The following PHAF1 variants were observed in gnomAD, a reference collection of about 807,000 sequenced individuals.
The protein encoded by PHAF1 is phagosome assembly factor 1.
Under a neutral mutation model 63.1 loss-of-function variants are expected in PHAF1, and 23 were observed. The observed-to-expected ratio is 0.36, with a 90% confidence interval of 0.26 to 0.52. The LOEUF (loss-of-function observed/expected upper bound fraction) is 0.52, where lower values mean the gene tolerates loss of function less well. Ranked by LOEUF, PHAF1 falls within the 20% of genes least tolerant of loss-of-function variation. PHAF1 has a pLI of 0.93. For missense variants in PHAF1, 427 were observed against 517.2 expected, an observed-to-expected ratio of 0.83 and a Z score of 1.69; for synonymous variants, 167 against 185.0, an observed-to-expected ratio of 0.90 and a Z score of 0.79.
At chr16:67,146,889 G>C (rs2030138726) in intron 15 of PHAF1, among the ~76,000 whole-genome samples, 156 bp from the exon 16 acceptor site, 1 of 152,178 alleles carries the variant, frequency 6.6e-6, no homozygotes, top group East Asian at 1.9e-4. Context: ...ATCTCAGGCA[G>C]AGGGGGGCCT....
At chr16:67,141,993 G>C (rs762444698) in intron 10 of PHAF1, among the ~76,000 whole-genome samples, 4 of 152,346 alleles carry the variant, frequency 2.6e-5, no homozygotes, top group Admixed American at 6.5e-5. Context: ...TTGTCCTGCG[G>C]CCAGGAAGAA....
chr16:67,145,003 G>A (rs2029916378), intron 12 of PHAF1, 126 bp downstream of exon 12: 1 of 1,218,492 alleles, frequency 8.2e-7, no homozygotes, highest in South Asian at 1.3e-5. Flanking sequence ...AGTTCCTCTG[G>A]GGTGGGCTCA....
intron 1 of PHAF1, among the ~76,000 whole-genome samples, chr16:67,117,314 G>T (rs1962779818): frequency 6.7e-6 from 1 of 148,528 alleles, no homozygotes; most frequent in Admixed American, 6.8e-5. Context: ...CTCCCAAAGT[G>T]CTGGGATTAC....
chr16:67,110,310 T>C, intron 1 of PHAF1, 71 bp downstream of exon 1: 1 of 1,496,294 alleles, frequency 6.7e-7, no homozygotes, highest in Non-Finnish European at 9.1e-7. Context: ...TCCCACCTGT[T>C]CTCAGTCTCT....
At chr16:67,130,971 G>A (rs1963369823) in intron 3 of PHAF1, among the ~76,000 whole-genome samples, 1 of 152,132 alleles carries the variant, frequency 6.6e-6, no homozygotes, top group Non-Finnish European at 1.5e-5. Context: ...AAATAACAAA[G>A]GACTGTCATG....
chr16:67,127,080 G>A (rs976325281), intron 3 of PHAF1, among the ~76,000 whole-genome samples: 1 of 151,832 alleles, frequency 6.6e-6, no homozygotes, highest in Non-Finnish European at 1.5e-5. Context: ...ATGTTGGCCA[G>A]GCTGGTCTTG....
chr16:67,138,576 T>G (rs1963690709), intron 8 of PHAF1, among the ~76,000 whole-genome samples: 1 of 152,038 alleles, frequency 6.6e-6, no homozygotes, highest in African/African-American at 2.4e-5. Flanking sequence ...AATGGGGAAA[T>G]TTTTACTGTT....
At chr16:67,146,709 T>G (rs529340255) in intron 15 of PHAF1, among the ~76,000 whole-genome samples, 2 of 152,176 alleles carry the variant, frequency 1.3e-5, no homozygotes, top group East Asian at 1.9e-4. Flanking sequence ...TGTGAACAAA[T>G]GCATTGTAGG....
At chr16:67,130,108 G>A (rs1036493327) in intron 3 of PHAF1, among the ~76,000 whole-genome samples, 4 of 152,010 alleles carry the variant, frequency 2.6e-5, no homozygotes, top group Admixed American at 6.6e-5. Context: ...GTGCAGTGGC[G>A]CAATCTCCGC....
chr16:67,110,903 G>T (rs991555846), intron 1 of PHAF1, among the ~76,000 whole-genome samples: 23 of 152,092 alleles, frequency 1.5e-4, no homozygotes, highest in Non-Finnish European at 3.2e-4. Flanking sequence ...TTAACGCCTC[G>T]TGGGTTTAAG....
At chr16:67,121,276 G>A (rs1248318827) in intron 2 of PHAF1, among the ~76,000 whole-genome samples, 1 of 150,294 alleles carries the variant, frequency 6.7e-6, no homozygotes, top group Non-Finnish European at 1.5e-5. Context: ...TGCAGGCTCC[G>A]CCTCCTGGGT....
intron 2 of PHAF1, among the ~76,000 whole-genome samples, chr16:67,123,609 A>T (rs1169322728): frequency 6.6e-6 from 1 of 151,958 alleles, no homozygotes; most frequent in African/African-American, 2.4e-5. Flanking sequence ...GTCTCATTAT[A>T]TTTGCCCAGA....
intron 3 of PHAF1, among the ~76,000 whole-genome samples, chr16:67,129,853 T>C (rs1190663869): frequency 1.3e-5 from 2 of 152,200 alleles, no homozygotes; most frequent in Non-Finnish European, 2.9e-5. Context: ...CATCTGAGGC[T>C]GAACCCATTA....
In PHAF1 at chr16:67,132,488, A is replaced by G; in HGVS notation, c.318A>G (p.Glu106=). The G allele has an allele frequency of 1.2e-6, 2 of 1,614,056 alleles. No individual in the cohort carries two copies. The highest frequency in any genetic ancestry group is 1.7e-6 in the Non-Finnish European group (2 of 1,179,992). Residue 106 remains glutamate, a synonymous_variant, in exon 5 of 16, where the codon GAA becomes GAG. Transcript: ENST00000219139. ...CTCAGGCCATAGCTCCTACCATTGA[A>G]CAGATTGACCAGTCTTTTGGCGCAA... is the stretch of plus-strand genomic sequence containing the variant. ...FNSQAIAPTI[E]QIDQSFGATH...
At position 67,145,561 on chromosome 16, in the gene PHAF1, C is replaced by T. The variant is rs2029979677; in HGVS notation, c.1051-9C>T. 1 of 1,613,966 alleles carries T rather than the reference C, an allele frequency of 6.2e-7. No homozygotes were observed. The highest frequency in any genetic ancestry group is 2.2e-5 in the East Asian group (1 of 44,888). ...TACTAACCCCTGCTCCCCTCTATCC[C>T]TCTTGCAGTGGGACAACATCCAGGA... On this transcript the variant is annotated splice_polypyrimidine_tract_variant and intron_variant, in intron 13 of 15. Coordinates refer to ENST00000219139, the MANE Select transcript of PHAF1 (RefSeq NM_025187.5).
chr16:67,142,094 T>C (rs1338220840), intron 10 of PHAF1, among the ~76,000 whole-genome samples: 9 of 152,126 alleles, frequency 5.9e-5, no homozygotes, highest in Admixed American at 5.9e-4. Context: ...GGTGGGTAGC[T>C]CTTTCTGCAG....
intron 6 of PHAF1, among the ~76,000 whole-genome samples, chr16:67,133,738 C>G (rs563335934): frequency 6.6e-6 from 1 of 151,332 alleles, no homozygotes; most frequent in South Asian, 2.1e-4. Flanking sequence ...CGAGATCATG[C>G]CACTGCACTC....
intron 1 of PHAF1, among the ~76,000 whole-genome samples, chr16:67,114,657 G>T (rs1363555070): frequency 5.9e-5 from 9 of 152,124 alleles, no homozygotes; most frequent in African/African-American, 2.2e-4. Flanking sequence ...TGTACTGGTA[G>T]AAGAAGAAAA....
chr16:67,129,079 CTAGACAAGG>C (rs1963296244), intron 3 of PHAF1, among the ~76,000 whole-genome samples: 1 of 152,192 alleles, frequency 6.6e-6, no homozygotes, highest in African/African-American at 2.4e-5. Flanking sequence ...AGGCTCTCTG[CTAGACAAGG>C]CTCTGGCCTC....
Sources: gnomAD v4.1 joint callset for allele counts (sites outside exome capture counted in the v4.1 genomes callset) on GRCh38, gnomAD v4.1.1 for gene constraint, MANE v1.5 for transcripts, NCBI Gene and HGNC (gene_info 2026-07-23, HGNC 2026-07-21) for gene names.